TMEM233: variants seen among roughly 807,000 people sequenced by gnomAD.
TMEM233 encodes transmembrane protein 233.
Under a neutral mutation model 11.2 loss-of-function variants are expected in TMEM233, and 6 were observed. The observed-to-expected ratio is 0.54, with a 90% CI of 0.29 to 1.06. The LOEUF (loss-of-function observed/expected upper bound fraction) is 1.06, where lower values mean the gene tolerates loss of function less well. Ranked by LOEUF, TMEM233 falls within the 50% of genes least tolerant of loss-of-function variation. The pLI, the probability that TMEM233 is intolerant of heterozygous loss-of-function variation, is 0.08. For missense variants in TMEM233, 127 were observed against 144.7 expected (o/e 0.88, Z 0.63); for synonymous variants, 59 against 55.8 (o/e 1.06, Z -0.26).
In TMEM233 at chr12:119,640,736, G is replaced by A; in HGVS notation, c.*31G>A. 2 of 1,550,790 alleles carry A rather than the reference G, an allele frequency of 1.3e-6. No homozygotes were observed. Among genetic ancestry groups the A allele is most frequent in the Non-Finnish European group, 8.7e-7 (1 of 1,146,908 alleles). On this transcript the variant is annotated 3_prime_UTR_variant, in exon 3 of 3. Transcript: ENST00000426426. ...CAGCGGTCAGTGGGCTGTGAGCGTGGAGGATGGACCTCATCCACACACACC... is the reference window on the plus strand; with the variant it reads ...CAGCGGTCAGTGGGCTGTGAGCGTGAAGGATGGACCTCATCCACACACACC...
intron 1 of TMEM233, among the ~76,000 whole-genome samples, chr12:119,614,711 T>A (rs1436761667): frequency 1.3e-5 from 2 of 152,164 alleles, no homozygotes; most frequent in Non-Finnish European, 2.9e-5. Context: ...AAACACTGTT[T>A]GACTGTTGGT....
intron 2 of TMEM233, among the ~76,000 whole-genome samples, chr12:119,632,131 A>G (rs1024753373): frequency 1.3e-5 from 2 of 152,260 alleles, no homozygotes; most frequent in Admixed American, 1.3e-4. Context: ...TAATAATAGC[A>G]GCTGACACTA....
chr12:119,603,885 C>A lies in TMEM233; in HGVS notation c.186+9851C>A, dbSNP rs184184631. ...TATCTCTGAGGGTTTGCTTCCCTTC[C>A]CCAACTGTGTTCTGCATTCCTGCCA... On this transcript the variant is annotated intron_variant, in intron 1 of 2. Coordinates refer to ENST00000426426, the MANE Select transcript of TMEM233 (RefSeq NM_001136534.3). 3.3e-5 allele frequency among the ~76,000 whole-genome samples: 5 copies of A among 152,298 alleles called. No individual in the cohort carries two copies. The East Asian group carries it at 9.6e-4, about 29-fold the overall frequency.
chr12:119,626,044 G>A (rs1479501238), intron 1 of TMEM233, among the ~76,000 whole-genome samples: 3 of 152,152 alleles, frequency 2.0e-5, no homozygotes, highest in South Asian at 4.1e-4. Context: ...ATGTGTTTGG[G>A]TGGGTGGGTG....
intron 1 of TMEM233, among the ~76,000 whole-genome samples, chr12:119,622,799 G>A: frequency 6.6e-6 from 1 of 152,118 alleles, no homozygotes; most frequent in Middle Eastern, 3.2e-3. Flanking sequence ...CCAAGTACCA[G>A]GGGAGAAAAT....
chr12:119,607,540 T>C (rs1321480433), intron 1 of TMEM233, among the ~76,000 whole-genome samples: 4 of 152,046 alleles, frequency 2.6e-5, no homozygotes, highest in African/African-American at 9.7e-5. Context: ...TAGTCTGAAA[T>C]GAGCATTTTT....
intron 1 of TMEM233, among the ~76,000 whole-genome samples, chr12:119,623,514 C>A (rs1456993117): frequency 6.7e-6 from 1 of 149,778 alleles, no homozygotes; most frequent in Non-Finnish European, 1.5e-5. Context: ...TTGACACCAG[C>A]CTGGACAACA....
Position 119,640,858 on chromosome 12 carries a change from A to AAAT in TMEM233, c.*155_*156insTAA. 17 of 569,510 alleles carry AAAT rather than the reference A, an allele frequency of 3.0e-5. No individual in the cohort carries two copies. Among genetic ancestry groups the AAAT allele is most frequent in the Admixed American group, 4.1e-5 (1 of 24,624 alleles). 35.3% of individuals were successfully genotyped at this position (569,510 alleles called of 1,614,324 possible). A position where few individuals can be genotyped will look rare whatever the true frequency, so the allele number is the denominator to read the frequency against. ...GCAGGTCCCTGGCAAATGAACAAGA[A>AAAT]AAAAAAAAAAAAAAAGTCCAAAATT... On this transcript the variant is annotated 3_prime_UTR_variant, in exon 3 of 3. Coordinates refer to ENST00000426426, the MANE Select transcript of TMEM233 (RefSeq NM_001136534.3).
intron 1 of TMEM233, among the ~76,000 whole-genome samples, chr12:119,603,873 T>G (rs1374473268): frequency 6.6e-6 from 1 of 152,228 alleles, no homozygotes; most frequent in African/African-American, 2.4e-5. Context: ...CTCTGAGGGT[T>G]TGCTTCCCTT....
In TMEM233 at chr12:119,594,906, C is replaced by T. The variant is rs1778999660; in HGVS notation, c.186+872C>T. ...TAACCTCTCTTCTCTTGGTGTCCCC[C>T]AGAGCTCCCAGGCGCCCCTCCACCG... is the stretch of plus-strand genomic sequence containing the variant. On this transcript the variant is annotated intron_variant, in intron 1 of 2. Coordinates refer to ENST00000426426, the MANE Select transcript of TMEM233 (RefSeq NM_001136534.3). The surrounding 1 kb of genome is among the most constrained non-coding windows in gnomAD (Gnocchi z 5.6). 6.6e-6 allele frequency among the ~76,000 whole-genome samples: 1 copy of T among 152,118 alleles called. No homozygotes were observed. The highest frequency in any genetic ancestry group is 1.5e-5 in the Non-Finnish European group (1 of 68,016).
chr12:119,631,652 G>A (rs1954889368), intron 2 of TMEM233: 8 of 985,418 alleles, frequency 8.1e-6, no homozygotes, highest in Non-Finnish European at 8.4e-6. Flanking sequence ...GTGAACTTGT[G>A]AGCAGGGGAG....
chr12:119,639,624 AAAAAAAAG>A (rs1046450181), intron 2 of TMEM233, among the ~76,000 whole-genome samples: 16 of 152,192 alleles, frequency 1.1e-4, no homozygotes, highest in African/African-American at 3.1e-4. Context: ...TCCATCTCAA[AAAAAAAAG>A]AAAAAAAGAA....
chr12:119,652,111 G>A, the TMEM233 span, among the ~76,000 whole-genome samples: 3 of 79,368 alleles, frequency 3.8e-5, no homozygotes, highest in South Asian at 1.4e-3. Context: ...CACTTTTGGA[G>A]AGAAATTTGG....
chr12:119,634,279 C>T (rs1049045397), intron 2 of TMEM233: 1 of 985,050 alleles, frequency 1.0e-6, no homozygotes, highest in Non-Finnish European at 1.2e-6. Flanking sequence ...AGCCCAAAAC[C>T]CATGAATCTG....
At chr12:119,626,531 GGAGAAGGGAGAAGAGAAGAGAA>G (rs71072547) in intron 1 of TMEM233, among the ~76,000 whole-genome samples, 6,683 of 99,250 alleles carry the variant, frequency 0.067, 364 homozygotes, top group East Asian at 0.094. Context: ...AAGGGAGAAG[GGAGAAGGGAGAAGAGAAGAGAA>G]GAGAAGAGAA....
chr12:119,631,602 T>G lies in TMEM233; in HGVS notation c.323+1730T>G. 5 of 985,454 alleles carry G rather than the reference T, an allele frequency of 5.1e-6. 1 individual carries two copies. Among genetic ancestry groups the G allele is most frequent in the South Asian group, 9.4e-5 (2 of 21,290 alleles). 61.0% of individuals were successfully genotyped at this position (985,454 alleles called of 1,614,324 possible). ...AAGATGGTTGGAGAATACACGTGAATGAACCTGACTATATTCTTAAGAGAA... is the reference window on the plus strand; with the variant it reads ...AAGATGGTTGGAGAATACACGTGAAGGAACCTGACTATATTCTTAAGAGAA... On this transcript the variant is annotated intron_variant, in intron 2 of 2. Transcript: ENST00000426426.
rs189986937 is a variant in TMEM233 at position 119,595,048 on chromosome 12, C to T, written c.186+1014C>T. 6.6e-6 allele frequency among the ~76,000 whole-genome samples: 1 copy of T among 152,226 alleles called. No individual in the cohort carries two copies. The highest frequency in any genetic ancestry group is 1.5e-5 in the Non-Finnish European group (1 of 68,030). ...AGCTGCCCGCCTCTCTAGGAGTGGC[C>T]GCTGGGGCCTCTAGTCCGCCCTTCC... is the stretch of plus-strand genomic sequence containing the variant. On this transcript the variant is annotated intron_variant, in intron 1 of 2. Coordinates refer to ENST00000426426, the MANE Select transcript of TMEM233 (RefSeq NM_001136534.3). The surrounding 1 kb of genome is among the most constrained non-coding windows in gnomAD (Gnocchi z 4.3).
chr12:119,651,347 G>C, the TMEM233 span, among the ~76,000 whole-genome samples: 1 of 152,198 alleles, frequency 6.6e-6, no homozygotes, highest in Admixed American at 6.5e-5. Context: ...TCAATGTCCT[G>C]AGAGAAGGAA....
At chr12:119,600,192 C>CAA (rs55708484) in intron 1 of TMEM233, among the ~76,000 whole-genome samples, 10 of 117,744 alleles carry the variant, frequency 8.5e-5, no homozygotes, top group African/African-American at 2.6e-4. Context: ...CTGCAGTTTA[C>CAA]AAAAAAAAAA....
Sources: gnomAD v4.1 joint callset for allele counts (sites outside exome capture counted in the v4.1 genomes callset) on GRCh38, gnomAD v4.1.1 for gene constraint, Gnocchi (gnomAD v3.1) non-coding constraint, MANE v1.5 for transcripts, NCBI Gene and HGNC (gene_info 2026-07-23, HGNC 2026-07-21) for gene names.